The following MITF variants were observed in gnomAD, a reference collection of about 807,000 sequenced individuals.
MITF encodes melanocyte inducing transcription factor.
In MITF, 17 loss-of-function variants were observed where a neutral mutation model predicts 60.5. The observed-to-expected ratio is 0.28, with a 90% CI of 0.19 to 0.42. The LOEUF (loss-of-function observed/expected upper bound fraction) is 0.42, where lower values mean the gene tolerates loss of function less well. MITF is among the 10% of genes least tolerant of loss of function. The pLI is 1.00. For synonymous variants in MITF, 260 were observed against 248.5 expected (o/e 1.05, Z -0.43); for missense variants, 622 against 683.5 (o/e 0.91, Z 1.00).
At chr3:69,828,676 T>C (rs1032474841) in intron 1 of MITF, among the ~76,000 whole-genome samples, 1 of 152,136 alleles carries the variant, frequency 6.6e-6, no homozygotes, top group African/African-American at 2.4e-5. Flanking sequence ...TTATAATGAT[T>C]CCACTAAATG....
chr3:69,966,137 T>C lies in MITF; in HGVS notation c.*889T>C, dbSNP rs142709660. On this transcript the variant is annotated 3_prime_UTR_variant, in exon 10 of 10. Transcript: ENST00000352241. ...TATTTCTAATTGGCTTTACTATTTT[T>C]ATTTTTAAATTATGTTTTACTGTTC... 1.3e-5 allele frequency: 3 copies of C among 232,932 alleles called. No individual in the cohort carries two copies. The highest frequency in any genetic ancestry group is 6.6e-5 in the African/African-American group (3 of 45,460). The allele number at this position is 232,932 out of a possible 1,614,324, so 14.4% of individuals were successfully genotyped here. A position where few individuals can be genotyped will look rare whatever the true frequency, so the allele number is the denominator to read the frequency against.
chr3:69,743,350 G>A (rs113094477), intron 1 of MITF, among the ~76,000 whole-genome samples: 1 of 152,126 alleles, frequency 6.6e-6, no homozygotes, highest in Non-Finnish European at 1.5e-5. Flanking sequence ...ACCCACTCAA[G>A]GTATGGTATT....
At chr3:69,829,799 G>A (rs1031969142) in intron 1 of MITF, among the ~76,000 whole-genome samples, 10 of 152,136 alleles carry the variant, frequency 6.6e-5, no homozygotes, top group African/African-American at 2.4e-4. Flanking sequence ...CACTATTGGT[G>A]TGGTTTTGAG....
chr3:69,941,393 T>C, intron 5 of MITF, 62 bp downstream of exon 5: 2 of 1,022,374 alleles, frequency 2.0e-6, no homozygotes, highest in East Asian at 4.9e-5. Flanking sequence ...TTTTCTTTTT[T>C]CTTAAACTTT....
chr3:69,826,181 G>C (rs2063351723), intron 1 of MITF, among the ~76,000 whole-genome samples: 1 of 152,136 alleles, frequency 6.6e-6, no homozygotes. Context: ...CACCCTAGAT[G>C]CTTCCTTCCT....
chr3:69,773,335 C>T (rs914104252), intron 1 of MITF, among the ~76,000 whole-genome samples: 1 of 152,070 alleles, frequency 6.6e-6, no homozygotes, highest in East Asian at 1.9e-4. Flanking sequence ...AAAGACTTTG[C>T]CTTTTACTCA....
At chr3:69,913,482 TA>T (rs1197149057) in intron 2 of MITF, among the ~76,000 whole-genome samples, 1 of 152,180 alleles carries the variant, frequency 6.6e-6, no homozygotes, top group Admixed American at 6.6e-5. Flanking sequence ...TTTAGTAATC[TA>T]AGGTTTTTCT....
intron 1 of MITF, among the ~76,000 whole-genome samples, chr3:69,762,020 A>G (rs2062219234): frequency 6.6e-6 from 1 of 152,014 alleles, no homozygotes; most frequent in African/African-American, 2.4e-5. Flanking sequence ...GTGTGTCTTC[A>G]TAAATTTATA....
At chr3:69,787,126 G>A (rs185389678) in intron 1 of MITF, among the ~76,000 whole-genome samples, 2 of 152,172 alleles carry the variant, frequency 1.3e-5, no homozygotes, top group Non-Finnish European at 2.9e-5. Context: ...CAAAGGAGAA[G>A]CTCAAACCGT....
intron 1 of MITF, among the ~76,000 whole-genome samples, chr3:69,849,853 C>G (rs1458375876): frequency 6.6e-6 from 1 of 152,148 alleles, no homozygotes; most frequent in Non-Finnish European, 1.5e-5. Context: ...ACTTATATAC[C>G]TCTCAATCTT....
chr3:69,896,988 T>A lies in MITF; in HGVS notation c.354+17605T>A, dbSNP rs113091426. 7.6e-3 allele frequency among the ~76,000 whole-genome samples: 1,162 copies of A among 152,210 alleles called. 9 individuals carry two copies. The highest frequency in any genetic ancestry group is 0.026 in the African/African-American group (1,089 of 41,512). On this transcript the variant is annotated intron_variant, in intron 2 of 9. Transcript: ENST00000352241. ...GACTAGGATGAGGGGGCATGGCACA[T>A]GGAGAGAAATGAAGCAACAATACAT...
chr3:69,934,564 C>T (rs1434805553), intron 2 of MITF, among the ~76,000 whole-genome samples: 2 of 152,090 alleles, frequency 1.3e-5, no homozygotes, highest in African/African-American at 4.8e-5. Flanking sequence ...ACTGTCATTC[C>T]CATTCAATAT....
At chr3:69,811,882 C>G (rs1293302470) in intron 1 of MITF, among the ~76,000 whole-genome samples, 1 of 152,170 alleles carries the variant, frequency 6.6e-6, no homozygotes, top group Admixed American at 6.5e-5. Flanking sequence ...ACTCGATGGC[C>G]CATGAGACAG....
chr3:69,765,889 G>A (rs1442701628), intron 1 of MITF, among the ~76,000 whole-genome samples: 4 of 152,154 alleles, frequency 2.6e-5, no homozygotes, highest in Admixed American at 6.5e-5. Flanking sequence ...TTTTGGAATG[G>A]TATAGCTATC....
chr3:69,868,754 C>T (rs2064164742), intron 1 of MITF, among the ~76,000 whole-genome samples: 1 of 152,064 alleles, frequency 6.6e-6, no homozygotes, highest in African/African-American at 2.4e-5. Flanking sequence ...CAAAAATTAG[C>T]CAGGCATGGT....
chr3:69,823,358 G>A (rs549131101), intron 1 of MITF, among the ~76,000 whole-genome samples: 1 of 152,262 alleles, frequency 6.6e-6, no homozygotes, highest in East Asian at 1.9e-4. Context: ...TGAAGGCTAG[G>A]AAGTTCAGAT....
At chr3:69,902,376 G>T (rs550714692) in intron 2 of MITF, among the ~76,000 whole-genome samples, 1 of 152,024 alleles carries the variant, frequency 6.6e-6, no homozygotes, top group South Asian at 2.1e-4. Context: ...ATATCTATTT[G>T]GCTTACTGTT....
At chr3:69,839,385 T>C (rs1190787389) in intron 1 of MITF, among the ~76,000 whole-genome samples, 1 of 151,986 alleles carries the variant, frequency 6.6e-6, no homozygotes, top group Admixed American at 6.6e-5. Flanking sequence ...ATTTTCTTTT[T>C]TTTTTTTTTA....
At chr3:69,896,960 A>G (rs1319590159) in intron 2 of MITF, among the ~76,000 whole-genome samples, 1 of 152,202 alleles carries the variant, frequency 6.6e-6, no homozygotes, top group Non-Finnish European at 1.5e-5. Flanking sequence ...GTTATACCCA[A>G]AAGACTAGGA....
Sources: allele counts gnomAD v4.1 joint callset (sites outside exome capture counted in the v4.1 genomes callset), GRCh38; gene constraint gnomAD v4.1.1; transcripts MANE v1.5; gene names NCBI Gene and HGNC (gene_info 2026-07-23, HGNC 2026-07-21).